The following CEP43 variants were observed in gnomAD, a reference collection of about 807,000 sequenced individuals.
CEP43 encodes the protein FGFR1 oncogene partner.
Under a neutral mutation model 52.6 loss-of-function variants are expected in CEP43, and 36 were observed. The ratio of observed to expected loss-of-function variants is 0.68; its 90% CI spans 0.52 to 0.90. The LOEUF (loss-of-function observed/expected upper bound fraction) is 0.90, where lower values mean the gene tolerates loss of function less well. Ranked by LOEUF, CEP43 falls within the 40% of genes least tolerant of loss-of-function variation. The pLI, the probability that CEP43 is intolerant of heterozygous loss-of-function variation, is 0.00. For synonymous variants in CEP43, 192 were observed against 172.4 expected (o/e 1.11, Z -0.89); for missense variants, 506 against 472.8 (o/e 1.07, Z -0.65).
At chr6:167,004,480 A>C (rs1779807658) in intron 5 of CEP43, 79 bp downstream of exon 5, 1 of 1,230,200 alleles carries the variant, frequency 8.1e-7, no homozygotes, top group Admixed American at 2.8e-5. Context: ...GTGCATATAT[A>C]GTAAATTAAG....
intron 11 of CEP43, 138 bp downstream of exon 11, chr6:167,032,780 A>T: frequency 4.0e-6 from 3 of 753,014 alleles, no homozygotes; most frequent in Non-Finnish European, 5.8e-6. Flanking sequence ...GAAGATGAAG[A>T]AAAGATAGTT....
intron 12 of CEP43, among the ~76,000 whole-genome samples, chr6:167,039,438 C>G (rs1780649013): frequency 1.3e-5 from 2 of 152,128 alleles, no homozygotes; most frequent in African/African-American, 4.8e-5. Context: ...CTATTTGTTC[C>G]TTTTTATGGC....
chr6:167,041,937 C>G lies in CEP43; in HGVS notation c.*1959C>G. 1 of 483,834 alleles carries G rather than the reference C, an allele frequency of 2.1e-6. No homozygotes were observed. The allele number at this position is 483,834 out of a possible 1,614,324, so 30.0% of individuals were successfully genotyped here. On this transcript the variant is annotated 3_prime_UTR_variant, in exon 13 of 13. Coordinates refer to ENST00000366847, the MANE Select transcript of CEP43 (RefSeq NM_007045.4). ...CTCCTGGGTTCAAGCGATTCTCCTG[C>G]TTCAGCCTCCTGAGTAGCTGGGATT...
At chr6:167,013,896 C>T (rs913346890) in intron 7 of CEP43, among the ~76,000 whole-genome samples, 1 of 152,164 alleles carries the variant, frequency 6.6e-6, no homozygotes, top group Non-Finnish European at 1.5e-5. Flanking sequence ...TCGCTTTAAC[C>T]CGGGAAGCGG....
chr6:167,035,277 T>G (rs903893262), intron 12 of CEP43, among the ~76,000 whole-genome samples: 2 of 152,212 alleles, frequency 1.3e-5, no homozygotes, highest in Non-Finnish European at 2.9e-5. Flanking sequence ...AAGCATTTTC[T>G]AAAGCCTTCT....
At chr6:167,000,845 G>A (rs1479669722) in intron 2 of CEP43, among the ~76,000 whole-genome samples, 1 of 152,168 alleles carries the variant, frequency 6.6e-6, no homozygotes, top group African/African-American at 2.4e-5. Flanking sequence ...TGCCTTAACG[G>A]TCATACGTGG....
At chr6:167,024,455 T>C (rs1780308264) in intron 8 of CEP43, among the ~76,000 whole-genome samples, 1 of 152,122 alleles carries the variant, frequency 6.6e-6, no homozygotes, top group African/African-American at 2.4e-5. Context: ...AGTAAACTCC[T>C]GTATTGTCCC....
intron 6 of CEP43, among the ~76,000 whole-genome samples, 199 bp from the exon 7 acceptor site, chr6:167,013,309 T>C (rs1780024419): frequency 6.6e-6 from 1 of 152,208 alleles, no homozygotes. Flanking sequence ...CTAGTAACTA[T>C]TGGAAACAGT....
At chr6:167,005,562 G>C (rs1198960762) in intron 5 of CEP43, among the ~76,000 whole-genome samples, 1 of 152,254 alleles carries the variant, frequency 6.6e-6, no homozygotes, top group African/African-American at 2.4e-5. Flanking sequence ...AAGCGTGGGA[G>C]CAGGAGAGCA....
chr6:167,022,469 A>G lies in CEP43; in HGVS notation c.640A>G (p.Lys214Glu), dbSNP rs1435069631. Reference protein sequence around the residue: ...TSVSLSEPKSKSSLHLLSHET... With the variant: ...TSVSLSEPKSESSLHLLSHET... ...TGTCTCCTTGTCAGAACCCAAGAGC[A>G]AAAGCAGCCTTCACTTACTGTCCCA... Residue 214 changes from lysine to glutamate, a missense_variant, in exon 8 of 13, where the codon AAA (lysine) becomes GAA (glutamate). Coordinates refer to ENST00000366847, the MANE Select transcript of CEP43 (RefSeq NM_007045.4). The G allele has an allele frequency of 6.2e-7, 1 of 1,614,086 alleles. No homozygotes were observed. Among genetic ancestry groups the G allele is most frequent in the Non-Finnish European group, 8.5e-7 (1 of 1,180,038 alleles).
At chr6:167,022,878 G>A (rs1780269077) in intron 8 of CEP43, among the ~76,000 whole-genome samples, 2 of 152,012 alleles carry the variant, frequency 1.3e-5, no homozygotes, top group Admixed American at 1.3e-4. Context: ...GGCTGTTCCA[G>A]GGTGGGGTGC....
chr6:167,004,146 T>TAGTA, intron 4 of CEP43, 118 bp from the exon 5 acceptor site: 1 of 1,093,332 alleles, frequency 9.1e-7, no homozygotes, highest in Non-Finnish European at 1.3e-6. Flanking sequence ...TTTCATTCAT[T>TAGTA]AGTAAGACAG....
At chr6:167,015,512 GC>G (rs1318783735) in intron 7 of CEP43, among the ~76,000 whole-genome samples, 7 of 152,184 alleles carry the variant, frequency 4.6e-5, no homozygotes, top group African/African-American at 1.7e-4. Flanking sequence ...GGAGCCATCC[GC>G]ATGGTAGGTG....
intron 2 of CEP43, among the ~76,000 whole-genome samples, chr6:167,001,866 C>T (rs1012481789): frequency 6.6e-6 from 1 of 152,092 alleles, no homozygotes; most frequent in Non-Finnish European, 1.5e-5. Flanking sequence ...TCCCTGAAGT[C>T]CTTTTTCCAC....
At chr6:167,027,617 A>G (rs1780383030) in intron 10 of CEP43, among the ~76,000 whole-genome samples, 1 of 152,188 alleles carries the variant, frequency 6.6e-6, no homozygotes, top group Non-Finnish European at 1.5e-5. Flanking sequence ...GGATAGTGCA[A>G]AGAACTTGGG....
intron 7 of CEP43, among the ~76,000 whole-genome samples, chr6:167,013,771 C>T (rs1212034076): frequency 2.6e-5 from 4 of 152,132 alleles, no homozygotes; most frequent in African/African-American, 4.8e-5. Flanking sequence ...GTCAGGAGTT[C>T]GAGACCATCC....
At chr6:167,007,684 T>C (rs1375415734) in intron 5 of CEP43, among the ~76,000 whole-genome samples, 1 of 152,232 alleles carries the variant, frequency 6.6e-6, no homozygotes, top group Non-Finnish European at 1.5e-5. Context: ...TGTAGAAAAC[T>C]AGCTATAGGT....
chr6:167,022,241 G>A (rs547363360), intron 7 of CEP43, among the ~76,000 whole-genome samples, 168 bp from the exon 8 acceptor site: 98 of 147,260 alleles, frequency 6.7e-4, no homozygotes, highest in Middle Eastern at 3.5e-3. Context: ...TGCAGTTCAC[G>A]CTGCTGAGAG....
rs1392590606 is a variant in CEP43, at chr6:167,002,723, C to A, written c.157-470C>A. The stretch of plus-strand genomic sequence containing the variant: ...TAGAAGTATTTTTTCCATACTTATT[C>A]AAATAAATGTATAATTACAAAAATA... On this transcript the variant is annotated intron_variant, in intron 2 of 12. Transcript: ENST00000366847. Among the ~76,000 whole-genome samples the A allele has an allele frequency of 4.6e-5, 7 of 152,160 alleles. No individual in the cohort carries two copies. The East Asian group carries it at 7.7e-4, about 17-fold the overall frequency.
Sources: allele counts gnomAD v4.1 joint callset (sites outside exome capture counted in the v4.1 genomes callset), GRCh38; gene constraint gnomAD v4.1.1; transcripts MANE v1.5; gene names NCBI Gene and HGNC (gene_info 2026-07-23, HGNC 2026-07-21).